The following RGPD1 variants were observed in gnomAD, a reference collection of about 807,000 sequenced individuals.
The protein encoded by RGPD1 is RANBP2 like and GRIP domain containing 1.
A neutral mutation model predicts 40.6 loss-of-function variants in RGPD1; 7 were observed. The ratio of observed to expected loss-of-function variants is 0.17; its 90% CI spans 0.10 to 0.32. RGPD1 has a LOEUF of 0.32. RGPD1 is among the 10% of genes least tolerant of loss of function. The probability of loss-of-function intolerance (pLI) is 1.00; values close to 1 mark genes in which losing one functional copy is unlikely to be tolerated. For missense variants in RGPD1, 50 were observed against 472.5 expected, an observed-to-expected ratio of 0.11 and a Z score of 8.29; for synonymous variants, 24 against 167.0, an observed-to-expected ratio of 0.14 and a Z score of 6.60.
intron 1 of RGPD1, 55 bp downstream of exon 1, chr2:86,942,363 AC>A: frequency 7.4e-7 from 1 of 1,357,306 alleles, no homozygotes; most frequent in South Asian, 1.3e-5. Context: ...GGCGGCCTCG[AC>A]CTGGCCGGGC....
At chr2:86,941,873 G>A (rs1316611384), upstream of RGPD1, among the ~76,000 whole-genome samples, 6 of 151,536 alleles carry the variant, frequency 4.0e-5, no homozygotes, top group Admixed American at 6.6e-5. Context: ...TCCACGCCCG[G>A]GTAATTTTTT....
At chr2:87,007,204 TG>T (rs1335483747) in intron 22 of RGPD1, among the ~76,000 whole-genome samples, 1 of 110,116 alleles carries the variant, frequency 9.1e-6, no homozygotes, top group African/African-American at 3.3e-5. Context: ...TTGTTGTTGT[TG>T]TTGTTGTTGT....
At chr2:86,943,687 G>A (rs1156578165) in intron 1 of RGPD1, among the ~76,000 whole-genome samples, 1 of 152,178 alleles carries the variant, frequency 6.6e-6, no homozygotes, top group Admixed American at 6.5e-5. Flanking sequence ...CTAAGTGTTA[G>A]CTACAAGTCA....
intron 22 of RGPD1, among the ~76,000 whole-genome samples, chr2:87,006,840 C>T (rs1306108106): frequency 1.9e-5 from 1 of 53,196 alleles, no homozygotes; most frequent in Non-Finnish European, 3.3e-5. Context: ...CAATCGTATA[C>T]TGCTTTTCTA....
chr2:86,941,563 C>T (rs1278533681), upstream of RGPD1, among the ~76,000 whole-genome samples: 1 of 150,882 alleles, frequency 6.6e-6, no homozygotes, highest in Non-Finnish European at 1.5e-5. Context: ...TTCCTATATA[C>T]ACAGTTGACC....
At chr2:86,960,836 G>A (rs1302219258) in intron 6 of RGPD1, among the ~76,000 whole-genome samples, 2 of 37,524 alleles carry the variant, frequency 5.3e-5, no homozygotes, top group Admixed American at 2.4e-4. Flanking sequence ...TGATCCGCCT[G>A]CCTCAGCCTC....
At position 86,913,869 on chromosome 2, in the gene RGPD1, A is replaced by T. The variant is rs371790976; in HGVS notation, c.20A>T (p.Tyr7Phe). 5.4e-5 allele frequency: 86 copies of T among 1,580,172 alleles called. 3 individuals carry two copies. The highest frequency in any genetic ancestry group is 7.1e-5 in the Non-Finnish European group (82 of 1,163,066). The change falls in exon 1 of 23, where the codon TAC (tyrosine) becomes TTC (phenylalanine). Residue 7 changes from tyrosine to phenylalanine, a missense_variant. By Grantham distance (22) the Tyr-to-Phe change is conservative (BLOSUM62 3). Coordinates refer to the RGPD1 transcript ENST00000398193. ...GGTGCGATGAGGCGCAGCAAGGCCT[A>T]CGGGGAGCGGTACCTCGCCTCGGTG... is the stretch of plus-strand genomic sequence containing the variant.
upstream of RGPD1, chr2:86,913,700 A>G (rs1677552057): frequency 2.2e-6 from 3 of 1,333,928 alleles, no homozygotes; most frequent in South Asian, 3.9e-5. Context: ...GTCGCCAAGG[A>G]TACACAGTGC....
chr2:86,944,545 G>A lies in RGPD1; in HGVS notation c.72+2237G>A, dbSNP rs534901605. On this transcript the variant is annotated intron_variant, in intron 1 of 22. Coordinates refer to ENST00000641458, the MANE Select transcript of RGPD1 (RefSeq NM_001382344.1). ...AGTCTCCCGAGTAGTTGGGACCACA[G>A]GTGTACCCACCACACCTGCTGTTTT... Among the ~76,000 whole-genome samples, 5 of 152,030 alleles carry A rather than the reference G, an allele frequency of 3.3e-5. No individual in the cohort carries two copies. The South Asian group carries it at 1.0e-3, about 32-fold the overall frequency.
At chr2:86,945,032 A>G (rs1032892328) in intron 1 of RGPD1, among the ~76,000 whole-genome samples, 1 of 149,056 alleles carries the variant, frequency 6.7e-6, no homozygotes, top group African/African-American at 2.5e-5. Context: ...TTTTTTTTTT[A>G]AACAAGCTTA....
intron 21 of RGPD1, 31 bp from the exon 22 acceptor site, chr2:86,997,532 G>A (rs1681826578): frequency 4.1e-6 from 1 of 245,240 alleles, no homozygotes; most frequent in African/African-American, 1.0e-4. Flanking sequence ...AGCTCCTAAA[G>A]CCCATTTTTA....
intron 1 of RGPD1, among the ~76,000 whole-genome samples, chr2:86,927,387 C>T (rs1678589762): frequency 6.7e-6 from 1 of 148,488 alleles, no homozygotes; most frequent in African/African-American, 2.5e-5. Flanking sequence ...CCCCCAACCT[C>T]TCATAAACAA....
intron 1 of RGPD1, among the ~76,000 whole-genome samples, chr2:86,942,732 G>A (rs1204385035): frequency 6.7e-6 from 1 of 150,256 alleles, no homozygotes; most frequent in South Asian, 2.1e-4. Context: ...CGATGGCTCA[G>A]GCGTCATGGC....
intron 1 of RGPD1, among the ~76,000 whole-genome samples, chr2:86,929,338 A>C (rs1281031346): frequency 6.6e-6 from 1 of 151,534 alleles, no homozygotes; most frequent in Non-Finnish European, 1.5e-5. Flanking sequence ...GCGGCCGGAG[A>C]ACTCTGTTCT....
At chr2:86,956,700 G>A (rs1573624924) in intron 4 of RGPD1, among the ~76,000 whole-genome samples, 1 of 119,794 alleles carries the variant, frequency 8.3e-6, no homozygotes, top group Non-Finnish European at 1.7e-5. Context: ...TAGTTGAAGG[G>A]ATCTGTAAGC....
intron 1 of RGPD1, among the ~76,000 whole-genome samples, chr2:86,924,574 T>G (rs1246808208): frequency 2.0e-5 from 3 of 150,478 alleles, no homozygotes; most frequent in Admixed American, 6.6e-5. Flanking sequence ...CAAGCCATCC[T>G]CCTACCTCAG....
At chr2:86,918,211 G>C (rs1402376724) in intron 1 of RGPD1, among the ~76,000 whole-genome samples, 4 of 150,770 alleles carry the variant, frequency 2.7e-5, no homozygotes, top group Admixed American at 2.6e-4. Context: ...TCTGTTAATG[G>C]TATAAGGCCT....
At chr2:86,923,089 A>G (rs1197181971) in intron 1 of RGPD1, among the ~76,000 whole-genome samples, 1 of 118,296 alleles carries the variant, frequency 8.5e-6, no homozygotes, top group Non-Finnish European at 1.6e-5. Flanking sequence ...CCCGGGATGG[A>G]GTGCAGTGGC....
At chr2:86,929,425 G>A (rs1678742357) in intron 1 of RGPD1, among the ~76,000 whole-genome samples, 2 of 151,924 alleles carry the variant, frequency 1.3e-5, no homozygotes, top group African/African-American at 4.8e-5. Flanking sequence ...ACTGGTCAGT[G>A]TCAGAGCGAT....
Sources: allele counts gnomAD v4.1 joint callset (sites outside exome capture counted in the v4.1 genomes callset), GRCh38; gene constraint gnomAD v4.1.1; transcripts MANE v1.5; gene names NCBI Gene and HGNC (gene_info 2026-07-23, HGNC 2026-07-21).